WDR41: variants seen among roughly 807,000 people sequenced by gnomAD.
WDR41 encodes the protein WD repeat domain 41.
Under a neutral mutation model 69.3 loss-of-function variants are expected in WDR41, and 63 were observed. That is an observed-to-expected ratio of 0.91 (90% CI 0.74 to 1.12). The LOEUF (loss-of-function observed/expected upper bound fraction) is 1.12. Among genes scored for constraint, WDR41 ranks in the 50% most tolerant of loss-of-function variants. WDR41 has a pLI of 0.00. For missense variants in WDR41, 543 were observed against 534.5 expected (o/e 1.02, Z -0.16); for synonymous variants, 185 against 192.1 (o/e 0.96, Z 0.31).
At chr5:77,591,262 C>T (rs973065908) in intron 1 of WDR41, among the ~76,000 whole-genome samples, 13 of 152,038 alleles carry the variant, frequency 8.6e-5, no homozygotes, top group African/African-American at 3.1e-4. Flanking sequence ...CATTTTGTTA[C>T]TGATATTGGT....
chr5:77,478,730 G>A (rs1401249744), intron 2 of WDR41, among the ~76,000 whole-genome samples: 4 of 150,952 alleles, frequency 2.6e-5, no homozygotes, highest in East Asian at 1.9e-4. Flanking sequence ...TACTGAATGG[G>A]CAAAAACTGG....
intron 1 of WDR41, among the ~76,000 whole-genome samples, chr5:77,536,646 C>A (rs74488372): frequency 1.3e-5 from 2 of 152,026 alleles, no homozygotes; most frequent in African/African-American, 4.8e-5. Flanking sequence ...TTTACCGTAC[C>A]TTTTCTATGT....
At chr5:77,434,050 C>A (rs1798838111) in intron 12 of WDR41, among the ~76,000 whole-genome samples, 1 of 152,138 alleles carries the variant, frequency 6.6e-6, no homozygotes, top group African/African-American at 2.4e-5. Context: ...AGAAACAGGG[C>A]CGGGCGTGGT....
chr5:77,615,253 T>C (rs979222580), intron 1 of WDR41, among the ~76,000 whole-genome samples: 2 of 152,220 alleles, frequency 1.3e-5, no homozygotes, highest in Non-Finnish European at 2.9e-5. Context: ...AAGACATTTT[T>C]GAAATAGTCA....
intron 2 of WDR41, among the ~76,000 whole-genome samples, chr5:77,475,359 C>G (rs1247633934): frequency 5.3e-5 from 8 of 152,230 alleles, no homozygotes; most frequent in African/African-American, 1.9e-4. Flanking sequence ...GGCTCCACCT[C>G]TGGGGGCAGG....
intron 1 of WDR41, among the ~76,000 whole-genome samples, chr5:77,614,674 G>C (rs1207078972): frequency 6.7e-6 from 1 of 148,308 alleles, no homozygotes; most frequent in African/African-American, 2.5e-5. Context: ...GGGAGGGATA[G>C]CATTAGGAGA....
chr5:77,575,860 T>C (rs1743821427), intron 1 of WDR41, among the ~76,000 whole-genome samples: 1 of 152,150 alleles, frequency 6.6e-6, no homozygotes, highest in Admixed American at 6.5e-5. Flanking sequence ...TATCATATAT[T>C]CCTATAGTTG....
intron 5 of WDR41, among the ~76,000 whole-genome samples, chr5:77,454,659 A>C (rs1489078632): frequency 6.6e-6 from 1 of 152,190 alleles, no homozygotes; most frequent in Non-Finnish European, 1.5e-5. Flanking sequence ...CTCCTCGCCC[A>C]CTGACTCTGA....
At chr5:77,587,807 G>C (rs1744067022) in intron 1 of WDR41, among the ~76,000 whole-genome samples, 1 of 152,084 alleles carries the variant, frequency 6.6e-6, no homozygotes, top group Non-Finnish European at 1.5e-5. Context: ...ATGGAGATTA[G>C]GACACAAGGA....
At chr5:77,492,102 C>G in intron 1 of WDR41, 68 bp downstream of exon 1, 1 of 1,576,782 alleles carries the variant, frequency 6.3e-7, no homozygotes, top group Non-Finnish European at 8.6e-7. Context: ...CCCAGGAAGG[C>G]CGAACCGGAA....
intron 1 of WDR41, among the ~76,000 whole-genome samples, chr5:77,601,751 A>C (rs1378702417): frequency 6.6e-6 from 1 of 152,218 alleles, no homozygotes; most frequent in Non-Finnish European, 1.5e-5. Flanking sequence ...AAATAAAGTG[A>C]AACGTAATTC....
chr5:77,433,677 A>G (rs1406116417), intron 12 of WDR41, among the ~76,000 whole-genome samples: 1 of 152,204 alleles, frequency 6.6e-6, no homozygotes, highest in African/African-American at 2.4e-5. Context: ...ATAAAAGTAG[A>G]TATACTCAAT....
At chr5:77,617,306 C>T (rs759090420) in intron 1 of WDR41, among the ~76,000 whole-genome samples, 10 of 152,154 alleles carry the variant, frequency 6.6e-5, no homozygotes, top group Non-Finnish European at 1.5e-4. Flanking sequence ...AAGTGAAAGA[C>T]TTCCATTTGT....
intron 1 of WDR41, among the ~76,000 whole-genome samples, chr5:77,579,137 G>A (rs776145846): frequency 2.4e-4 from 36 of 152,066 alleles, no homozygotes; most frequent in Non-Finnish European, 4.6e-4. Context: ...AAAATGAGCA[G>A]AGCCTCAGAG....
chr5:77,483,677 T>G (rs1025228257), intron 2 of WDR41, among the ~76,000 whole-genome samples: 3 of 146,766 alleles, frequency 2.0e-5, no homozygotes, highest in African/African-American at 7.3e-5. Context: ...TACAATATTC[T>G]AATTCTATCA....
At chr5:77,487,075 C>T (rs1801557271) in intron 2 of WDR41, among the ~76,000 whole-genome samples, 1 of 152,174 alleles carries the variant, frequency 6.6e-6, no homozygotes, top group Non-Finnish European at 1.5e-5. Context: ...CCTCTTCTAA[C>T]TATGGGATAG....
intron 1 of WDR41, among the ~76,000 whole-genome samples, chr5:77,536,924 G>A (rs915120974): frequency 6.6e-6 from 1 of 152,192 alleles, no homozygotes; most frequent in African/African-American, 2.4e-5. Context: ...AAAGGCACTG[G>A]ATGTTGAGTT....
chr5:77,478,366 T>C (rs942259411), intron 2 of WDR41, among the ~76,000 whole-genome samples: 12 of 151,278 alleles, frequency 7.9e-5, no homozygotes, highest in Admixed American at 1.3e-4. Flanking sequence ...GGCAGAGACA[T>C]AACCGAAAAA....
chr5:77,495,908 G>C (rs768830971), upstream of WDR41, among the ~76,000 whole-genome samples: 4 of 151,946 alleles, frequency 2.6e-5, no homozygotes, highest in Admixed American at 1.3e-4. Flanking sequence ...ATATTAACAA[G>C]TATTATTTAC....
Sources: gnomAD v4.1 joint callset for allele counts (sites outside exome capture counted in the v4.1 genomes callset) on GRCh38, gnomAD v4.1.1 for gene constraint, MANE v1.5 for transcripts, NCBI Gene and HGNC (gene_info 2026-07-23, HGNC 2026-07-21) for gene names.